CSMD1: variants seen among roughly 807,000 people sequenced by gnomAD.
The protein encoded by CSMD1 is CUB and Sushi multiple domains 1, also known as CUB and sushi domain-containing protein 1.
Under a neutral mutation model 417.5 loss-of-function variants are expected in CSMD1, and 213 were observed. The ratio of observed to expected loss-of-function variants is 0.51; its 90% CI spans 0.46 to 0.57. The LOEUF (loss-of-function observed/expected upper bound fraction) is 0.57. Among genes scored for constraint, CSMD1 ranks in the 20% least tolerant of loss-of-function variants. CSMD1 has a pLI of 0.00. For missense variants in CSMD1, 6,923 were observed against 4,529.7 expected (o/e 1.53, Z -15.17); for synonymous variants, 2,862 against 1,736.8 (o/e 1.65, Z -16.11).
intron 2 of CSMD1, among the ~76,000 whole-genome samples, chr8:4,636,183 A>T (rs1233264176): frequency 6.6e-6 from 1 of 152,134 alleles, no homozygotes; most frequent in Admixed American, 6.5e-5. Flanking sequence ...TAACATCAGT[A>T]ATCTATATAA....
intron 3 of CSMD1, among the ~76,000 whole-genome samples, chr8:4,356,396 T>C (rs1801434725): frequency 6.6e-6 from 1 of 152,206 alleles, no homozygotes; most frequent in South Asian, 2.1e-4. Context: ...GGGTTGGTTC[T>C]ACGATTTTGC....
intron 3 of CSMD1, among the ~76,000 whole-genome samples, chr8:4,318,248 T>C (rs999730798): frequency 4.6e-5 from 7 of 152,152 alleles, no homozygotes; most frequent in African/African-American, 1.7e-4. Flanking sequence ...TAGAAAGAAA[T>C]GACACTTGGT....
chr8:3,873,669 T>C (rs1054716326), intron 5 of CSMD1, among the ~76,000 whole-genome samples: 2 of 152,114 alleles, frequency 1.3e-5, no homozygotes, highest in Admixed American at 6.6e-5. Flanking sequence ...AGTTTATCTA[T>C]ATGACATGTA....
At chr8:4,310,335 G>T (rs1431150551) in intron 3 of CSMD1, among the ~76,000 whole-genome samples, 2 of 152,120 alleles carry the variant, frequency 1.3e-5, no homozygotes, top group Non-Finnish European at 2.9e-5. Context: ...CTCCACACTG[G>T]AATGAATGGG....
intron 1 of CSMD1, chr8:4,788,454 G>T: frequency 1.5e-6 from 2 of 1,326,550 alleles, no homozygotes; most frequent in Non-Finnish European, 2.2e-6. Context: ...TCTCCAGAAG[G>T]ATCAGCTCAA....
chr8:3,114,107 G>A (rs948630780), intron 42 of CSMD1, among the ~76,000 whole-genome samples: 1 of 152,036 alleles, frequency 6.6e-6, no homozygotes, highest in Non-Finnish European at 1.5e-5. Context: ...ATCCATGCAT[G>A]CGAGCACATG....
intron 5 of CSMD1, among the ~76,000 whole-genome samples, chr8:3,924,131 T>C (rs1809475036): frequency 1.3e-5 from 2 of 152,198 alleles, no homozygotes; most frequent in Non-Finnish European, 2.9e-5. Context: ...TCTGTATCTC[T>C]CCATTTATGA....
chr8:3,236,987 G>C (rs1799191170), intron 26 of CSMD1, among the ~76,000 whole-genome samples: 1 of 152,006 alleles, frequency 6.6e-6, no homozygotes, highest in African/African-American at 2.4e-5. Context: ...CACCTGTCAG[G>C]CTGCATCCAG....
chr8:3,457,812 C>A (rs552383810), intron 12 of CSMD1, among the ~76,000 whole-genome samples: 1 of 152,088 alleles, frequency 6.6e-6, no homozygotes, highest in Non-Finnish European at 1.5e-5. Flanking sequence ...AAAAGTGGGT[C>A]CTTGTTGTAT....
chr8:4,679,357 A>AT (rs1284057576), intron 1 of CSMD1, among the ~76,000 whole-genome samples: 8 of 152,204 alleles, frequency 5.3e-5, no homozygotes, highest in African/African-American at 1.9e-4. Context: ...AATATTAAAC[A>AT]TTTTTTAACT....
chr8:3,940,979 G>A (rs1167699499), intron 5 of CSMD1, among the ~76,000 whole-genome samples: 4 of 150,208 alleles, frequency 2.7e-5, no homozygotes, highest in Non-Finnish European at 4.4e-5. Context: ...CTTTTCTACT[G>A]TTTTTATTTT....
chr8:3,033,702 CACATGTAT>C (rs1810491110), intron 50 of CSMD1, among the ~76,000 whole-genome samples: 1 of 152,048 alleles, frequency 6.6e-6, no homozygotes, highest in South Asian at 2.1e-4. Context: ...ACCACCATGG[CACATGTAT>C]ACCTATGTAA....
intron 3 of CSMD1, among the ~76,000 whole-genome samples, chr8:4,253,007 T>C (rs1257438734): frequency 6.6e-6 from 1 of 152,208 alleles, no homozygotes; most frequent in East Asian, 1.9e-4. Flanking sequence ...AATGTCGGAT[T>C]ATCGGTACCA....
chr8:4,894,137 T>A (rs562952816), intron 1 of CSMD1, among the ~76,000 whole-genome samples: 1 of 152,026 alleles, frequency 6.6e-6, no homozygotes, highest in Non-Finnish European at 1.5e-5. Flanking sequence ...ATTTGAAAAA[T>A]TATCTCTATT....
chr8:4,102,661 A>G (rs1351420704), intron 3 of CSMD1, among the ~76,000 whole-genome samples: 2 of 152,184 alleles, frequency 1.3e-5, no homozygotes, highest in Non-Finnish European at 2.9e-5. Flanking sequence ...GTAAAACTTT[A>G]AATACTCCAA....
chr8:3,656,808 C>G (rs560843290), intron 7 of CSMD1, among the ~76,000 whole-genome samples: 1 of 152,112 alleles, frequency 6.6e-6, no homozygotes, highest in South Asian at 2.1e-4. Flanking sequence ...CCCTGTAGTC[C>G]CAGCTATTCA....
chr8:4,684,246 T>G (rs1171526061), intron 1 of CSMD1, among the ~76,000 whole-genome samples: 2 of 152,214 alleles, frequency 1.3e-5, no homozygotes, highest in African/African-American at 4.8e-5. Context: ...TCGGACAACT[T>G]TCTACAATAA....
At chr8:3,260,080 T>A (rs1440809798) in intron 26 of CSMD1, among the ~76,000 whole-genome samples, 3 of 152,208 alleles carry the variant, frequency 2.0e-5, no homozygotes, top group African/African-American at 7.2e-5. Flanking sequence ...ATAATTTTTT[T>A]GCATTTATAT....
intron 2 of CSMD1, among the ~76,000 whole-genome samples, chr8:4,602,578 C>G (rs1013437894): frequency 3.3e-5 from 5 of 152,204 alleles, no homozygotes; most frequent in African/African-American, 1.2e-4. Context: ...AACTCTTTAA[C>G]GTGCCTACAA....
Sources: gnomAD v4.1 joint callset for allele counts (sites outside exome capture counted in the v4.1 genomes callset) on GRCh38, gnomAD v4.1.1 for gene constraint, MANE v1.5 for transcripts, NCBI Gene and HGNC (gene_info 2026-07-23, HGNC 2026-07-21) for gene names.